The following CACNB4 variants were observed in gnomAD, a reference collection of about 807,000 sequenced individuals.
CACNB4 encodes the protein calcium voltage-gated channel auxiliary subunit beta 4.
In CACNB4, 32 loss-of-function variants were observed where a neutral mutation model predicts 71.2. That is an observed-to-expected ratio of 0.45 (90% CI 0.34 to 0.60). The LOEUF (loss-of-function observed/expected upper bound fraction) is 0.60, where lower values mean the gene tolerates loss of function less well. Ranked by LOEUF, CACNB4 falls within the 20% of genes least tolerant of loss-of-function variation. CACNB4 has a pLI of 0.01. For missense variants in CACNB4, 464 were observed against 647.9 expected, an observed-to-expected ratio of 0.72 and a Z score of 3.08; for synonymous variants, 231 against 236.9, an observed-to-expected ratio of 0.97 and a Z score of 0.23.
At chr2:151,907,913 G>C (rs1444627085) in intron 2 of CACNB4, among the ~76,000 whole-genome samples, 4 of 152,210 alleles carry the variant, frequency 2.6e-5, no homozygotes, top group African/African-American at 9.6e-5. Flanking sequence ...AGGTAGAGTA[G>C]AGATCATTGC....
At chr2:151,908,780 T>A (rs1179992011) in intron 2 of CACNB4, among the ~76,000 whole-genome samples, 3 of 152,138 alleles carry the variant, frequency 2.0e-5, no homozygotes, top group Non-Finnish European at 4.4e-5. Flanking sequence ...AGGAATACAT[T>A]TTCTGACTAA....
upstream of CACNB4, chr2:152,099,102 G>C: frequency 1.3e-6 from 1 of 780,986 alleles, no homozygotes; most frequent in Non-Finnish European, 2.0e-6. Context: ...GGAGGGCGCA[G>C]GACTTCCCCA....
chr2:152,032,982 T>C (rs1458961659), intron 2 of CACNB4, among the ~76,000 whole-genome samples: 2 of 151,586 alleles, frequency 1.3e-5, no homozygotes, highest in East Asian at 3.9e-4. Context: ...AATAAAAAGG[T>C]AGAAAAATGA....
rs1684449365 is a variant in CACNB4 at position 152,034,414 on chromosome 2, G to A, written c.147+63916C>T. Reference sequence around the variant, plus strand: ...GGCTCTGGTGAAGGGTGATAACAAGGAAGGGACCAGGCCACACAGCAGGGG... The same window carrying A: ...GGCTCTGGTGAAGGGTGATAACAAGAAAGGGACCAGGCCACACAGCAGGGG... On this transcript the variant is annotated intron_variant, in intron 2 of 13. Coordinates refer to ENST00000539935, the MANE Select transcript of CACNB4 (RefSeq NM_000726.5). 3.3e-5 allele frequency among the ~76,000 whole-genome samples: 5 copies of A among 152,148 alleles called. No homozygotes were observed. The South Asian group carries it at 1.0e-3, about 32-fold the overall frequency.
chr2:151,966,776 A>T (rs2099871223), intron 2 of CACNB4, among the ~76,000 whole-genome samples: 1 of 152,198 alleles, frequency 6.6e-6, no homozygotes, highest in Admixed American at 6.5e-5. Context: ...GAACCTATAG[A>T]AGGAGGAGCA....
chr2:151,959,748 T>C (rs2099869174), intron 2 of CACNB4, among the ~76,000 whole-genome samples: 1 of 152,212 alleles, frequency 6.6e-6, no homozygotes, highest in Non-Finnish European at 1.5e-5. Context: ...ATTTTTTAGC[T>C]ATTTTTATAC....
chr2:151,948,441 G>A (rs1055980486), intron 2 of CACNB4, among the ~76,000 whole-genome samples: 2 of 152,120 alleles, frequency 1.3e-5, no homozygotes, highest in Admixed American at 6.5e-5. Context: ...GGGTGGATTG[G>A]TTGAGCCCAG....
rs140427748 is a variant in CACNB4 at position 151,862,744 on chromosome 2, G to A, written c.759-1924C>T. On this transcript the variant is annotated intron_variant, in intron 9 of 13. Coordinates refer to ENST00000539935, the MANE Select transcript of CACNB4 (RefSeq NM_000726.5). ...CAAGAGGGAAACTGAGACACACACA[G>A]AAAGCTGCACATGGTTAGTTACAGC... Among the ~76,000 whole-genome samples, 442 of 152,322 alleles carry A rather than the reference G, an allele frequency of 2.9e-3. 4 individuals are homozygous for A. Among genetic ancestry groups the A allele is most frequent in the African/African-American group, 9.9e-3 (411 of 41,552 alleles).
intron 2 of CACNB4, among the ~76,000 whole-genome samples, chr2:151,898,878 C>T (rs139188502): frequency 1.7e-3 from 266 of 152,250 alleles, no homozygotes; most frequent in African/African-American, 6.2e-3. Context: ...AGAGTGAAAT[C>T]CAAGTCCAGA....
chr2:152,097,113 A>G (rs994324741), intron 2 of CACNB4, among the ~76,000 whole-genome samples: 3 of 152,364 alleles, frequency 2.0e-5, no homozygotes, highest in African/African-American at 7.2e-5. Context: ...TCCATAATGT[A>G]CATGCTTAGT....
chr2:151,905,714 G>A (rs1336385440), intron 2 of CACNB4, among the ~76,000 whole-genome samples: 3 of 152,188 alleles, frequency 2.0e-5, no homozygotes, highest in African/African-American at 7.2e-5. Context: ...CCCAGCAAGG[G>A]AAAGATGACC....
At chr2:152,082,316 C>A in intron 2 of CACNB4, among the ~76,000 whole-genome samples, 1 of 152,220 alleles carries the variant, frequency 6.6e-6, no homozygotes, top group Non-Finnish European at 1.5e-5. Context: ...TCTGAAGTTT[C>A]CAATATTTGA....
chr2:152,026,610 C>G (rs1373875162), intron 2 of CACNB4, among the ~76,000 whole-genome samples: 2 of 152,176 alleles, frequency 1.3e-5, no homozygotes, highest in African/African-American at 4.8e-5. Context: ...GAACTCCTGA[C>G]CTCAGGTGAT....
At chr2:151,885,985 C>CT (rs567052640) in intron 2 of CACNB4, among the ~76,000 whole-genome samples, 54 of 151,738 alleles carry the variant, frequency 3.6e-4, no homozygotes, top group Non-Finnish European at 6.8e-4. Context: ...TTCATTTTTT[C>CT]TTTTTTTTGT....
In CACNB4 at chr2:151,973,691, T is replaced by C. The variant is rs570946476; in HGVS notation, c.148-90321A>G. The C allele has an allele frequency of 1.6e-4, 257 of 1,613,714 alleles. 1 individual carries two copies. In the South Asian group the frequency reaches 2.6e-3, roughly 16 times the overall value. ...TACAGCCTCCGAGTCTTCAATTCCA[T>C]GCAGGTACAAATTGTCATACATGGA... is the stretch of plus-strand genomic sequence containing the variant. On this transcript the variant is annotated intron_variant, in intron 2 of 13. Transcript: ENST00000539935.
chr2:151,888,262 G>T (rs1036746961), intron 2 of CACNB4, among the ~76,000 whole-genome samples: 1 of 152,132 alleles, frequency 6.6e-6, no homozygotes, highest in Non-Finnish European at 1.5e-5. Context: ...ACAAAGGTTT[G>T]ATTTTAAAAT....
chr2:152,059,196 C>T (rs75434060), intron 2 of CACNB4, among the ~76,000 whole-genome samples: 8,287 of 152,270 alleles, frequency 0.054, 355 homozygotes, highest in Admixed American at 0.1. Context: ...ACACAGAGTC[C>T]CCCACTGGGG....
At chr2:151,933,276 A>G (rs187598879) in intron 2 of CACNB4, among the ~76,000 whole-genome samples, 2 of 151,978 alleles carry the variant, frequency 1.3e-5, no homozygotes, top group Admixed American at 1.3e-4. Flanking sequence ...CTTATTAGAT[A>G]TTTTACATAA....
At position 151,835,296 on chromosome 2, in the gene CACNB4, G is replaced by T. The variant is rs1182981573; in HGVS notation, c.*3823C>A. On this transcript the variant is annotated 3_prime_UTR_variant, in exon 14 of 14. Coordinates refer to ENST00000539935, the MANE Select transcript of CACNB4 (RefSeq NM_000726.5). ...CAAAGAAAACTTCACTAACGTGGAAGAAATGAAAGGGTGCCAAACAGCATT... is the reference window on the plus strand; with the variant it reads ...CAAAGAAAACTTCACTAACGTGGAATAAATGAAAGGGTGCCAAACAGCATT... 6.6e-6 allele frequency: 1 copy of T among 151,920 alleles called. No individual in the cohort carries two copies. The highest frequency in any genetic ancestry group is 1.5e-5 in the Non-Finnish European group (1 of 67,820). The allele number at this position is 151,920 out of a possible 1,614,324, so 9.4% of individuals were successfully genotyped here.
Sources: gnomAD v4.1 joint callset for allele counts (sites outside exome capture counted in the v4.1 genomes callset) on GRCh38, gnomAD v4.1.1 for gene constraint, MANE v1.5 for transcripts, NCBI Gene and HGNC (gene_info 2026-07-23, HGNC 2026-07-21) for gene names.